The following CHSY3 variants were observed in gnomAD, a reference collection of about 807,000 sequenced individuals.
The protein encoded by CHSY3 is N-acetylgalactosaminyl-proteoglycan 3-beta-glucuronosyltransferase 3.
CHSY3 carries 35 observed loss-of-function variants against 67.2 expected under a neutral mutation model. That is an observed-to-expected ratio of 0.52 (90% CI 0.40 to 0.69). CHSY3 has a LOEUF of 0.69. Among genes scored for constraint, CHSY3 ranks in the 30% least tolerant of loss-of-function variants. The pLI is 0.00. For synonymous variants in CHSY3, 474 were observed against 434.7 expected, an observed-to-expected ratio of 1.09 and a Z score of -1.12; for missense variants, 1,069 against 1,138.5, an observed-to-expected ratio of 0.94 and a Z score of 0.88.
At chr5:130,055,939 A>G (rs1327384568) in intron 2 of CHSY3, among the ~76,000 whole-genome samples, 1 of 152,118 alleles carries the variant, frequency 6.6e-6, no homozygotes, top group Non-Finnish European at 1.5e-5. Context: ...GCTGGTAGAA[A>G]GATTTGGAGG....
intron 2 of CHSY3, among the ~76,000 whole-genome samples, chr5:130,147,872 A>G (rs1366837166): frequency 1.3e-5 from 2 of 152,126 alleles, no homozygotes; most frequent in Non-Finnish European, 2.9e-5. Flanking sequence ...TTTAACCTCA[A>G]GTTTAAGGGA....
intron 2 of CHSY3, among the ~76,000 whole-genome samples, chr5:129,992,435 CT>C (rs2149631289): frequency 6.6e-6 from 1 of 152,220 alleles, no homozygotes; most frequent in East Asian, 1.9e-4. Flanking sequence ...AATTATTGCT[CT>C]TTTTAATTAC....
rs146180146 is a variant in CHSY3, at chr5:129,908,128, A to T, written c.854A>T (p.Tyr285Phe). ...TCGCTAAACAGCAGTAAGCCTCTCT[A>T]CCTGGGACAGACTGGCCTGGGGAAT... Reference protein sequence around the residue: ...LRSLNSSKPLYLGQTGLGNIE... With the variant: ...LRSLNSSKPLFLGQTGLGNIE... The change falls in exon 2 of 3, where the codon TAC becomes TTC. Residue 285 changes from tyrosine (Y) to phenylalanine (F), a missense_variant. By Grantham distance (22) the Tyr-to-Phe change is conservative (BLOSUM62 3). Transcript: ENST00000305031. The T allele has an allele frequency of 5.5e-5, 88 of 1,614,198 alleles. No homozygotes were observed. In the African/African-American group the frequency reaches 1.0e-3, roughly 18 times the overall value.
chr5:130,123,128 G>A (rs897985758), intron 2 of CHSY3, among the ~76,000 whole-genome samples: 1 of 150,886 alleles, frequency 6.6e-6, no homozygotes, highest in Non-Finnish European at 1.5e-5. Flanking sequence ...CATTTCCATC[G>A]GATATTTATA....
At chr5:130,001,582 A>T (rs1379888859) in intron 2 of CHSY3, 1 of 836,914 alleles carries the variant, frequency 1.2e-6, no homozygotes, top group Admixed American at 6.2e-5. Flanking sequence ...ATTCCAAAAG[A>T]ATAGTACTAC....
intron 2 of CHSY3, among the ~76,000 whole-genome samples, chr5:130,168,336 A>G (rs1013032300): frequency 2.6e-5 from 4 of 152,106 alleles, no homozygotes; most frequent in African/African-American, 9.7e-5. Context: ...TTCACATCCC[A>G]GTGCCACAAA....
At chr5:130,105,562 T>A (rs1767387454) in intron 2 of CHSY3, among the ~76,000 whole-genome samples, 1 of 151,702 alleles carries the variant, frequency 6.6e-6, no homozygotes, top group Admixed American at 6.6e-5. Flanking sequence ...CCCTGTTTCA[T>A]TCTGGAAATA....
At chr5:129,921,379 A>G (rs1392141955) in intron 2 of CHSY3, among the ~76,000 whole-genome samples, 1 of 152,210 alleles carries the variant, frequency 6.6e-6, no homozygotes, top group African/African-American at 2.4e-5. Context: ...GGTAGCATCT[A>G]TAGCAGGGAT....
intron 2 of CHSY3, among the ~76,000 whole-genome samples, chr5:130,115,125 A>G (rs907822456): frequency 6.6e-6 from 1 of 151,750 alleles, no homozygotes; most frequent in African/African-American, 2.4e-5. Context: ...CTTTTCTCAA[A>G]TTTTTATAAA....
At chr5:130,100,678 C>T (rs868779641) in intron 2 of CHSY3, among the ~76,000 whole-genome samples, 8 of 152,052 alleles carry the variant, frequency 5.3e-5, no homozygotes, top group Non-Finnish European at 8.8e-5. Flanking sequence ...AAGAGCTTTA[C>T]GTGAATTCTA....
At chr5:130,145,920 T>G (rs1191675948) in intron 2 of CHSY3, among the ~76,000 whole-genome samples, 2 of 152,110 alleles carry the variant, frequency 1.3e-5, no homozygotes, top group African/African-American at 4.8e-5. Flanking sequence ...TCATTCCATT[T>G]AGAATGGCTA....
chr5:129,945,232 G>A (rs1761816126), intron 2 of CHSY3, among the ~76,000 whole-genome samples: 1 of 152,210 alleles, frequency 6.6e-6, no homozygotes, highest in Non-Finnish European at 1.5e-5. Flanking sequence ...TGGACATTAG[G>A]AAACTCTGTG....
In CHSY3 at chr5:129,962,149, T is replaced by A. The variant is rs551372687; in HGVS notation, c.1086+53789T>A. Among the ~76,000 whole-genome samples the A allele has an allele frequency of 2.6e-5, 4 of 152,128 alleles. No homozygotes were observed. The East Asian group carries it at 7.8e-4, about 30-fold the overall frequency. ...CCTCTCTTCGGTACCAACTATTGCA[T>A]CTCAAAAGAATCATTCCAATCAAGA... On this transcript the variant is annotated intron_variant, in intron 2 of 2. Coordinates refer to ENST00000305031, the MANE Select transcript of CHSY3 (RefSeq NM_175856.5).
chr5:130,130,490 G>A (rs1768446494), intron 2 of CHSY3, among the ~76,000 whole-genome samples: 1 of 152,014 alleles, frequency 6.6e-6, no homozygotes, highest in East Asian at 1.9e-4. Context: ...CTTTTCATCT[G>A]CCAGAATTAG....
chr5:130,041,235 G>T (rs1022599697), intron 2 of CHSY3, among the ~76,000 whole-genome samples: 8 of 152,052 alleles, frequency 5.3e-5, no homozygotes, highest in Non-Finnish European at 7.4e-5. Flanking sequence ...TCCCAAAGTG[G>T]AATAAACTCT....
intron 2 of CHSY3, among the ~76,000 whole-genome samples, chr5:130,118,337 C>A (rs1767886832): frequency 6.6e-6 from 1 of 152,072 alleles, no homozygotes; most frequent in South Asian, 2.1e-4. Flanking sequence ...ATAAACTTAA[C>A]AAAACAATCA....
intron 2 of CHSY3, among the ~76,000 whole-genome samples, chr5:130,102,027 G>C (rs1170739157): frequency 6.6e-6 from 1 of 152,124 alleles, no homozygotes; most frequent in Non-Finnish European, 1.5e-5. Context: ...GTTTTGTGGT[G>C]TTGTTACATT....
chr5:129,919,267 A>G (rs981778084), intron 2 of CHSY3, among the ~76,000 whole-genome samples: 27 of 152,190 alleles, frequency 1.8e-4, no homozygotes, highest in African/African-American at 6.5e-4. Context: ...GAAGAACCCA[A>G]AGACAGTTAC....
chr5:129,920,970 C>T (rs892323096), intron 2 of CHSY3, among the ~76,000 whole-genome samples: 4 of 152,108 alleles, frequency 2.6e-5, no homozygotes, highest in Admixed American at 6.5e-5. Context: ...AGGCATGCAC[C>T]GCCATGCCCA....
Sources: allele counts gnomAD v4.1 joint callset (sites outside exome capture counted in the v4.1 genomes callset), GRCh38; gene constraint gnomAD v4.1.1; transcripts MANE v1.5; gene names NCBI Gene and HGNC (gene_info 2026-07-23, HGNC 2026-07-21).